Variants in TREML1 observed in about 807,000 individuals in gnomAD.
TREML1 encodes the protein trem-like transcript 1 protein.
In TREML1, 27 loss-of-function variants were observed where a neutral mutation model predicts 22.8. The observed-to-expected ratio is 1.19, with a 90% CI of 0.87 to 1.64. The LOEUF (loss-of-function observed/expected upper bound fraction) is 1.64, where lower values mean the gene tolerates loss of function less well. TREML1 is among the 40% of genes most tolerant of loss of function. The pLI, the probability that TREML1 is intolerant of heterozygous loss-of-function variation, is 0.00. For missense variants in TREML1, 356 were observed against 382.0 expected, an observed-to-expected ratio of 0.93 and a Z score of 0.57; for synonymous variants, 153 against 161.9, an observed-to-expected ratio of 0.94 and a Z score of 0.42.
chr6:41,152,760 T>C (rs1765297783), intron 2 of TREML1, among the ~76,000 whole-genome samples: 1 of 151,834 alleles, frequency 6.6e-6, no homozygotes, highest in Non-Finnish European at 1.5e-5. Flanking sequence ...GTAGTCCCAG[T>C]TACTTGGGAG....
intron 4 of TREML1, 68 bp from the exon 5 acceptor site, chr6:41,150,381 T>A: frequency 6.6e-7 from 1 of 1,514,080 alleles, no homozygotes; most frequent in Non-Finnish European, 9.1e-7. Context: ...CCTCACTCCC[T>A]TCCTTCAGAA....
At chr6:41,155,223 T>C (rs1765388743), upstream of TREML1, among the ~76,000 whole-genome samples, 1 of 152,212 alleles carries the variant, frequency 6.6e-6, no homozygotes, top group African/African-American at 2.4e-5. Context: ...TATTTTCACA[T>C]TGCTGCATGT....
chr6:41,152,289 G>A (rs1305126995), intron 2 of TREML1, among the ~76,000 whole-genome samples: 2 of 152,084 alleles, frequency 1.3e-5, no homozygotes, highest in African/African-American at 2.4e-5. Flanking sequence ...GATGCTACGC[G>A]CCACCTGCCT....
chr6:41,152,533 G>A (rs11965371), intron 2 of TREML1, among the ~76,000 whole-genome samples: 280 of 152,196 alleles, frequency 1.8e-3, no homozygotes, highest in Admixed American at 6.0e-3. Context: ...AGATGAGAAG[G>A]ATTCTAATGA....
downstream of TREML1, chr6:41,149,295 A>C (rs1765179110): frequency 3.5e-6 from 1 of 283,902 alleles, no homozygotes; most frequent in African/African-American, 2.1e-5. Context: ...CAGGCCAAGC[A>C]ATTAGTCAAA....
chr6:41,154,702 C>T (rs973282817), upstream of TREML1, among the ~76,000 whole-genome samples: 21 of 152,200 alleles, frequency 1.4e-4, no homozygotes, highest in African/African-American at 4.8e-4. Flanking sequence ...TTCTTGCTCT[C>T]AATTCTTTGG....
Position 41,149,828 on chromosome 6 carries a change from G to A in TREML1, c.712C>T (p.Pro238Ser), listed in dbSNP as rs1241103055. 2.2e-5 allele frequency: 35 copies of A among 1,614,024 alleles called. No individual in the cohort carries two copies. Among genetic ancestry groups the A allele is most frequent in the Middle Eastern group, 1.6e-4 (1 of 6,084 alleles). The change falls in exon 6 of 6, where the codon CCT (proline) becomes TCT (serine). Residue 238 changes from proline (P) to serine (S), a missense_variant. Transcript: ENST00000426005. ...GTGTAGGTGGTATTGTCAAATGAAGGTGGTGAGTCAAGCCTAATGTGTGGT... is the reference window on the plus strand; with the variant it reads ...GTGTAGGTGGTATTGTCAAATGAAGATGGTGAGTCAAGCCTAATGTGTGGT... The part of the protein sequence containing the change: ...DVPHIRLDSP[P>S]SFDNTTYTSL...
At position 41,149,502 on chromosome 6, in the gene TREML1, T is replaced by G; in HGVS notation, c.*102A>C. 7.9e-7 allele frequency: 1 copy of G among 1,263,684 alleles called. No homozygotes were observed. Among genetic ancestry groups the G allele is most frequent in the Non-Finnish European group, 1.1e-6 (1 of 902,950 alleles). 78.3% of individuals were successfully genotyped at this position (1,263,684 alleles called of 1,614,324 possible). On this transcript the variant is annotated 3_prime_UTR_variant, in exon 6 of 6. Transcript: ENST00000426005. Reference sequence around the variant, plus strand: ...ACATTGGATTAGATCTTAAAGTCCCTGGTTGCTCAGATATCCTAAGGATCC... The same window carrying G: ...ACATTGGATTAGATCTTAAAGTCCCGGGTTGCTCAGATATCCTAAGGATCC...
In TREML1 at chr6:41,151,048, G is replaced by A. The variant is rs1358692637; in HGVS notation, c.480-141C>T. ...AATAGAATGAGGGGAGCTGACTGAG[G>A]TAGGGCAGAAGAGGGACTCATTAAG... On this transcript the variant is annotated intron_variant, in intron 3 of 5. Coordinates refer to ENST00000426005, the MANE Select transcript of TREML1 (RefSeq NM_178174.4). The A allele has an allele frequency of 9.1e-6, 7 of 770,688 alleles. No homozygotes were observed. In the East Asian group the frequency reaches 1.6e-4, roughly 18 times the overall value. The allele number at this position is 770,688 out of a possible 1,614,324, so 47.7% of individuals were successfully genotyped here.
intron 4 of TREML1, 66 bp from the exon 5 acceptor site, chr6:41,150,379 C>A (rs1765213511): frequency 8.5e-6 from 13 of 1,527,928 alleles, no homozygotes; most frequent in South Asian, 4.6e-5. Flanking sequence ...TCCCTCACTC[C>A]CTTCCTTCAG....
intron 2 of TREML1, chr6:41,151,650 T>A: frequency 2.1e-6 from 1 of 475,704 alleles, no homozygotes; most frequent in Non-Finnish European, 3.9e-6. Context: ...TCCCCCCATC[T>A]TCCTGCTGCA....
rs771202335 is a variant in TREML1, at chr6:41,149,931, C to A, written c.622-13G>T. On this transcript the variant is annotated splice_polypyrimidine_tract_variant and intron_variant, in intron 5 of 5. Coordinates refer to ENST00000426005, the MANE Select transcript of TREML1 (RefSeq NM_178174.4). ...CTGAGGAGGGATTCTGTAACAAAAG[C>A]AGGCAAGTCAGGAATGCCTCCCTCT... 2.5e-6 allele frequency: 4 copies of A among 1,606,506 alleles called. No individual in the cohort carries two copies. Among genetic ancestry groups the A allele is most frequent in the Non-Finnish European group, 3.4e-6 (4 of 1,175,570 alleles).
intron 4 of TREML1, among the ~76,000 whole-genome samples, chr6:41,150,547 G>A (rs1488648650): frequency 6.6e-6 from 1 of 151,756 alleles, no homozygotes; most frequent in Non-Finnish European, 1.5e-5. Flanking sequence ...CCTACCTCCC[G>A]AGACCCTTTC....
Position 41,149,535 on chromosome 6 carries a change from T to G in TREML1, c.*69A>C, listed in dbSNP as rs1765185452. The G allele has an allele frequency of 5.4e-5, 81 of 1,507,554 alleles. No homozygotes were observed. The highest frequency in any genetic ancestry group is 6.4e-5 in the Non-Finnish European group (71 of 1,111,872). The allele number at this position is 1,507,554 out of a possible 1,614,324, so 93.4% of individuals were successfully genotyped here. ...CAGATATCCTAAGGATCCTAGGGCATGAGCTGGCTGGATGGATGCACAGAA... is the reference window on the plus strand; with the variant it reads ...CAGATATCCTAAGGATCCTAGGGCAGGAGCTGGCTGGATGGATGCACAGAA... On this transcript the variant is annotated 3_prime_UTR_variant, in exon 6 of 6. Transcript: ENST00000426005.
chr6:41,154,127 G>C (rs764284318), intron 1 of TREML1, 37 bp from the exon 2 acceptor site: 1 of 1,598,174 alleles, frequency 6.3e-7, no homozygotes, highest in African/African-American at 1.3e-5. Flanking sequence ...TTGGGCAGGA[G>C]CTGGGAGCAT....
rs769383634 is a variant in TREML1, at chr6:41,154,036, G to A, written c.98C>T (p.Ser33Phe). The A allele has an allele frequency of 6.2e-7, 1 of 1,614,092 alleles. No homozygotes were observed. Among genetic ancestry groups the A allele is most frequent in the Non-Finnish European group, 8.5e-7 (1 of 1,180,022 alleles). ...CCTGTAGTGGCACTGCACCAGAATG[G>A]AGCTTCCCACGGGTGCCTGCAGCAC... ...PEVLQAPVGS[S>F]ILVQCHYRLQ... Residue 33 changes from serine (S) to phenylalanine (F), a missense_variant, in exon 2 of 6, where the codon TCC becomes TTC. Coordinates refer to ENST00000426005, the MANE Select transcript of TREML1 (RefSeq NM_178174.4).
upstream of TREML1, among the ~76,000 whole-genome samples, chr6:41,155,093 T>G (rs576005862): frequency 1.8e-4 from 27 of 152,352 alleles, no homozygotes; most frequent in African/African-American, 6.0e-4. Flanking sequence ...TGTTATTTTT[T>G]AATATTTTTA....
At position 41,149,539 on chromosome 6, in the gene TREML1, C is replaced by T; in HGVS notation, c.*65G>A. 5.3e-6 allele frequency: 8 copies of T among 1,518,956 alleles called. No individual in the cohort carries two copies. Among genetic ancestry groups the T allele is most frequent in the Non-Finnish European group, 7.1e-6 (8 of 1,121,130 alleles). The allele number at this position is 1,518,956 out of a possible 1,614,324, so 94.1% of individuals were successfully genotyped here. A position where few individuals can be genotyped will look rare whatever the true frequency, so the allele number is the denominator to read the frequency against. ...TATCCTAAGGATCCTAGGGCATGAG[C>T]TGGCTGGATGGATGCACAGAACCCC... On this transcript the variant is annotated 3_prime_UTR_variant, in exon 6 of 6. Transcript: ENST00000426005.
At position 41,153,801 on chromosome 6, in the gene TREML1, C is replaced by A; in HGVS notation, c.333G>T (p.Gly111=). 6.2e-7 allele frequency: 1 copy of A among 1,612,948 alleles called. No individual in the cohort carries two copies. The highest frequency in any genetic ancestry group is 8.5e-7 in the Non-Finnish European group (1 of 1,179,460). ...GAGAGACTCTGTGCAAAATCTGGGG[C>A]CCCCTGGCCCCATCCACCATGCAGC... ...EYGCMVDGAR[G]PQILHRVSLN... The change falls in exon 2 of 6, where the codon GGG becomes GGT. Residue 111 remains glycine (G), a synonymous_variant. Transcript: ENST00000426005.
Sources: allele counts gnomAD v4.1 joint callset (sites outside exome capture counted in the v4.1 genomes callset), GRCh38; gene constraint gnomAD v4.1.1; transcripts MANE v1.5; gene names NCBI Gene and HGNC (gene_info 2026-07-23, HGNC 2026-07-21).